The following SUN1 variants were observed in gnomAD, a reference collection of about 807,000 sequenced individuals.
The protein encoded by SUN1 is SUN domain-containing protein 1.
Under a neutral mutation model 103.2 loss-of-function variants are expected in SUN1, and 61 were observed. That is an observed-to-expected ratio of 0.59 (90% confidence interval 0.48 to 0.73). The LOEUF (loss-of-function observed/expected upper bound fraction) is 0.73. Ranked by LOEUF, SUN1 falls within the 30% of genes least tolerant of loss-of-function variation. The probability of loss-of-function intolerance (pLI) is 0.00; values close to 1 mark genes in which losing one functional copy is unlikely to be tolerated. For synonymous variants in SUN1, 490 were observed against 425.7 expected, an observed-to-expected ratio of 1.15 and a Z score of -1.86; for missense variants, 1,052 against 1,034.6, an observed-to-expected ratio of 1.02 and a Z score of -0.23.
intron 1 of SUN1, among the ~76,000 whole-genome samples, chr7:837,697 A>C (rs1269628214): frequency 6.6e-6 from 1 of 152,196 alleles, no homozygotes; most frequent in South Asian, 2.1e-4. Flanking sequence ...ACGATAGCCT[A>C]CTGGGCTGTG....
intron 1 of SUN1, among the ~76,000 whole-genome samples, chr7:818,844 A>C (rs890592514): frequency 1.4e-5 from 2 of 147,976 alleles, no homozygotes; most frequent in African/African-American, 5.0e-5. Flanking sequence ...ATTCTCATTC[A>C]GGTCCTTCCC....
At chr7:829,548 G>GTTTT (rs59608102), upstream of SUN1, among the ~76,000 whole-genome samples, 2 of 143,828 alleles carry the variant, frequency 1.4e-5, no homozygotes, top group Non-Finnish European at 1.5e-5. Flanking sequence ...AAAATAACTG[G>GTTTT]TTTTTTTTTT....
At chr7:841,615 G>A (rs1345261604) in intron 2 of SUN1, among the ~76,000 whole-genome samples, 1 of 152,134 alleles carries the variant, frequency 6.6e-6, no homozygotes, top group Non-Finnish European at 1.5e-5. Flanking sequence ...TTTAGAAAAG[G>A]GGAGGATTAA....
intron 5 of SUN1, among the ~76,000 whole-genome samples, chr7:850,943 T>G (rs1411617354): frequency 6.6e-6 from 1 of 152,198 alleles, no homozygotes; most frequent in Non-Finnish European, 1.5e-5. Context: ...TTTAGAATAA[T>G]GTTAGTTTTG....
chr7:866,763 G>A (rs1262684437), intron 16 of SUN1, among the ~76,000 whole-genome samples: 5 of 52,298 alleles, frequency 9.6e-5, no homozygotes, highest in Admixed American at 4.8e-4. Context: ...CCGTCTCCCT[G>A]GGCCTTCGCC....
In SUN1 at chr7:874,743, A is replaced by C. The variant is rs568081657; in HGVS notation, c.*1412A>C. 2 of 152,348 alleles carry C rather than the reference A, an allele frequency of 1.3e-5. No homozygotes were observed. Among genetic ancestry groups the C allele is most frequent in the South Asian group, 4.1e-4 (2 of 4,830 alleles). 9.4% of individuals were successfully genotyped at this position (152,348 alleles called of 1,614,324 possible). On this transcript the variant is annotated 3_prime_UTR_variant, in exon 19 of 19. Transcript: ENST00000401592. ...GGGATTTGGGGTGGAAATATTTTGA[A>C]TATTAATTTATTTTTAAAGATGCAA...
At position 865,865 on chromosome 7, in the gene SUN1, A is replaced by C. The variant is rs1353375620; in HGVS notation, c.1865-87A>C. On this transcript the variant is annotated intron_variant, in intron 15 of 18. Transcript: ENST00000401592. ...GATGTCGAGCACTTTTCTTGGAAACATTTTAATAAATCCTGAAGTGGTGCA... is the reference window on the plus strand; with the variant it reads ...GATGTCGAGCACTTTTCTTGGAAACCTTTTAATAAATCCTGAAGTGGTGCA... The C allele has an allele frequency of 2.6e-6, 3 of 1,133,312 alleles. No homozygotes were observed. In the African/African-American group the frequency reaches 4.6e-5, roughly 17 times the overall value. 70.2% of individuals were successfully genotyped at this position (1,133,312 alleles called of 1,614,324 possible). A position where few individuals can be genotyped will look rare whatever the true frequency, so the allele number is the denominator to read the frequency against.
chr7:843,923 G>A lies in SUN1; in HGVS notation c.658+403G>A, dbSNP rs555545197. Reference sequence around the variant, plus strand: ...GTGAAGAGTGGTTATGCCAGTGTTCGTGTCGGGAAAACATTTCCCGTGGTC... The same window carrying A: ...GTGAAGAGTGGTTATGCCAGTGTTCATGTCGGGAAAACATTTCCCGTGGTC... On this transcript the variant is annotated intron_variant, in intron 5 of 18. Coordinates refer to ENST00000401592, the MANE Select transcript of SUN1 (RefSeq NM_001130965.3). The A allele has an allele frequency of 8.2e-5, 92 of 1,124,010 alleles. No homozygotes were observed. The Middle Eastern group carries it at 1.2e-3, about 15-fold the overall frequency. The allele number at this position is 1,124,010 out of a possible 1,614,324, so 69.6% of individuals were successfully genotyped here.
At chr7:845,259 T>G (rs1814292528) in intron 5 of SUN1, among the ~76,000 whole-genome samples, 2 of 152,186 alleles carry the variant, frequency 1.3e-5, no homozygotes, top group South Asian at 4.1e-4. Flanking sequence ...GTGGTGTGGA[T>G]TGTAGCTTCC....
intron 1 of SUN1, among the ~76,000 whole-genome samples, chr7:821,335 A>G (rs555905942): frequency 1.2e-4 from 18 of 152,014 alleles, no homozygotes; most frequent in Non-Finnish European, 2.2e-4. Context: ...ACGCCCAGCT[A>G]AGTTTTGTAT....
Position 843,338 on chromosome 7 carries a change from T to C in SUN1, c.479-3T>C, listed in dbSNP as rs745664090. On this transcript the variant is annotated splice_polypyrimidine_tract_variant and splice_region_variant and intron_variant, in intron 4 of 18. Transcript: ENST00000401592. ...GGTTCCATCTACTGTTTGAAAACTT[T>C]AGGTGGAAATAAAGCTGCCATTCAG... 3.7e-6 allele frequency: 6 copies of C among 1,604,422 alleles called. No homozygotes were observed. The highest frequency in any genetic ancestry group is 1.1e-5 in the South Asian group (1 of 89,564).
rs1270389875 is a variant in SUN1 at position 839,069 on chromosome 7, G to T, written c.266+83G>T. 4 of 1,361,090 alleles carry T rather than the reference G, an allele frequency of 2.9e-6. No individual in the cohort carries two copies. The South Asian group carries it at 4.6e-5, about 16-fold the overall frequency. 84.3% of individuals were successfully genotyped at this position (1,361,090 alleles called of 1,614,324 possible). ...TCCATACTTTTTGGTCTGTAAAGCCGCACCCTGTCTCGAGCTTAAGGATAT... is the reference window on the plus strand; with the variant it reads ...TCCATACTTTTTGGTCTGTAAAGCCTCACCCTGTCTCGAGCTTAAGGATAT... On this transcript the variant is annotated intron_variant, in intron 2 of 18. Coordinates refer to ENST00000401592, the MANE Select transcript of SUN1 (RefSeq NM_001130965.3).
In SUN1 at chr7:870,040, C is replaced by CA. The variant is rs1185142510; in HGVS notation, c.2148+540dup. ...GAAACCGCGTCTCTACTAAAATATA[C>CA]AAAAAAAAAAAAAAAATGAGCCAGG... is the stretch of plus-strand genomic sequence containing the variant. On this transcript the variant is annotated intron_variant, in intron 17 of 18. Coordinates refer to ENST00000401592, the MANE Select transcript of SUN1 (RefSeq NM_001130965.3). Among the ~76,000 whole-genome samples, 599 of 92,796 alleles carry CA rather than the reference C, an allele frequency of 6.5e-3. 9 individuals carry two copies. Among genetic ancestry groups the CA allele is most frequent in the East Asian group, 0.049 (166 of 3,380 alleles). 60.9% of individuals were successfully genotyped at this position (92,796 alleles called of 152,430 possible). A position where few individuals can be genotyped will look rare whatever the true frequency, so the allele number is the denominator to read the frequency against.
At chr7:861,546 C>G (rs748377195) in intron 15 of SUN1, 82 bp downstream of exon 15, 3 of 1,361,308 alleles carry the variant, frequency 2.2e-6, no homozygotes, top group Non-Finnish European at 3.2e-6. Flanking sequence ...GTTGCCTACC[C>G]CACTTCCAGC....
At chr7:838,361 C>T (rs529446783) in intron 1 of SUN1, among the ~76,000 whole-genome samples, 2 of 152,282 alleles carry the variant, frequency 1.3e-5, no homozygotes, top group African/African-American at 4.8e-5. Flanking sequence ...CATTGACGGC[C>T]CGATCACTTG....
At chr7:858,180 G>T (rs186977341) in intron 13 of SUN1, among the ~76,000 whole-genome samples, 1 of 152,034 alleles carries the variant, frequency 6.6e-6, no homozygotes, top group Non-Finnish European at 1.5e-5. Flanking sequence ...TTAGCCTCCC[G>T]AGTAGCTGGG....
chr7:850,910 T>C (rs1321703994), intron 5 of SUN1: 1 of 153,244 alleles, frequency 6.5e-6, no homozygotes, highest in Non-Finnish European at 1.5e-5. Context: ...TCTGAAACAC[T>C]GTTTCACTAG....
At position 869,444 on chromosome 7, in the gene SUN1, T is replaced by A; in HGVS notation, c.2076T>A (p.Thr692=). Residue 692 remains threonine (T), a synonymous_variant, in exon 17 of 19, where the codon ACT becomes ACA. Transcript: ENST00000401592. ...TGATGATCCACCCAGCCGCCTTCACTCTGGAGCACATCCCTAAGACGCTGT... is the reference window on the plus strand; with the variant it reads ...TGATGATCCACCCAGCCGCCTTCACACTGGAGCACATCCCTAAGACGCTGT... The part of the protein sequence containing the change: ...LSMMIHPAAF[T]LEHIPKTLSP... 1 of 1,613,918 alleles carries A rather than the reference T, an allele frequency of 6.2e-7. No homozygotes were observed. The highest frequency in any genetic ancestry group is 8.5e-7 in the Non-Finnish European group (1 of 1,179,894).
At chr7:825,924 T>C (rs1178671291) in intron 1 of SUN1, among the ~76,000 whole-genome samples, 1 of 152,148 alleles carries the variant, frequency 6.6e-6, no homozygotes, top group Admixed American at 6.5e-5. Context: ...ATTTTAGTTT[T>C]AAATAATTAT....
Sources: allele counts gnomAD v4.1 joint callset (sites outside exome capture counted in the v4.1 genomes callset), GRCh38; gene constraint gnomAD v4.1.1; transcripts MANE v1.5; gene names NCBI Gene and HGNC (gene_info 2026-07-23, HGNC 2026-07-21).